XKRX: variants seen among roughly 807,000 people sequenced by gnomAD.
The protein encoded by XKRX is XK-related protein 2.
In XKRX, 11 loss-of-function variants were observed where a neutral mutation model predicts 22.4. The ratio of observed to expected loss-of-function variants is 0.49; its 90% CI spans 0.31 to 0.81. XKRX has a LOEUF of 0.81. Ranked by LOEUF, XKRX falls within the 40% of genes least tolerant of loss-of-function variation. The pLI is 0.05. For synonymous variants in XKRX, 114 were observed against 132.2 expected (o/e 0.86, Z 0.94); for missense variants, 320 against 336.5 (o/e 0.95, Z 0.38).
chrX:100,955,904 G>T, the XKRX span, among the ~76,000 whole-genome samples: 1 of 111,199 alleles, frequency 9.0e-6, no homozygotes, highest in African/African-American at 3.3e-5. Context: ...CCATTACAAT[G>T]AATGAAAAAA....
chrX:100,923,202 A>T (rs985876704), intron 1 of XKRX, 141 bp from the exon 2 acceptor site: 2 of 714,805 alleles, frequency 2.8e-6, no homozygotes, highest in African/African-American at 4.3e-5. Context: ...CCCTGGCTGG[A>T]GTGCAGTGGC....
chrX:100,937,213 A>T, the XKRX span, among the ~76,000 whole-genome samples: 1 of 110,177 alleles, frequency 9.1e-6, no homozygotes, highest in Non-Finnish European at 1.9e-5. Flanking sequence ...CTGGTCTCGA[A>T]CTCCTGAACT....
At chrX:100,894,095 C>T in the XKRX span, among the ~76,000 whole-genome samples, 18,591 of 110,812 alleles carry the variant, frequency 0.17, 1,165 homozygotes, top group African/African-American at 0.19. Context: ...GGTGAAACCC[C>T]ATCTCTATTA....
downstream of XKRX, among the ~76,000 whole-genome samples, chrX:100,908,722 T>G (rs1176195330): frequency 2.7e-5 from 3 of 112,022 alleles, no homozygotes; most frequent in African/African-American, 9.7e-5. Flanking sequence ...CAGCTGATTA[T>G]GTACTAAAGA....
the XKRX span, among the ~76,000 whole-genome samples, chrX:100,893,996 C>T: frequency 5.3e-5 from 6 of 112,452 alleles, no homozygotes; most frequent in Non-Finnish European, 7.5e-5. Context: ...AGGCCGGGTG[C>T]GGTGGCTCAT....
chrX:100,920,105 A>C (rs1038114063), intron 2 of XKRX, among the ~76,000 whole-genome samples: 1 of 110,676 alleles, frequency 9.0e-6, no homozygotes, highest in African/African-American at 3.3e-5. Context: ...TGGGAACTTA[A>C]CTAAAGCTGT....
intron 2 of XKRX, among the ~76,000 whole-genome samples, chrX:100,918,805 C>T (rs2085457776): frequency 9.1e-6 from 1 of 110,448 alleles, no homozygotes; most frequent in African/African-American, 3.3e-5. Context: ...TCTTCCTTTC[C>T]TTTTTCTCCT....
At chrX:100,953,015 G>A in the XKRX span, among the ~76,000 whole-genome samples, 6 of 112,442 alleles carry the variant, frequency 5.3e-5, no homozygotes, top group East Asian at 2.8e-4. Flanking sequence ...GAAAATGGAC[G>A]ACAGGGCTGG....
the XKRX span, chrX:100,957,484 T>C: frequency 2.5e-6 from 3 of 1,189,432 alleles, no homozygotes; most frequent in African/African-American, 3.5e-5. Flanking sequence ...AGGGAGGAAA[T>C]AGAGACGCAT....
chrX:100,914,315 C>G lies in XKRX; in HGVS notation c.*23G>C, dbSNP rs1241710492. On this transcript the variant is annotated 3_prime_UTR_variant, in exon 3 of 3. Coordinates refer to ENST00000372956, the MANE Select transcript of XKRX (RefSeq NM_212559.3). ...TTACTCTTGGCAACTCCCAACTCTT[C>G]CTAAAATACCCAGAAAATAGAATCA... 19 of 1,194,824 alleles carry G rather than the reference C, an allele frequency of 1.6e-5. No individual in the cohort carries two copies. In the Admixed American group the frequency reaches 4.1e-4, roughly 26 times the overall value.
At chrX:100,915,466 A>G (rs775655593) in intron 2 of XKRX, among the ~76,000 whole-genome samples, 2 of 111,332 alleles carry the variant, frequency 1.8e-5, no homozygotes, top group East Asian at 5.7e-4. Flanking sequence ...TGACACAGCC[A>G]TTATGGAAAA....
downstream of XKRX, among the ~76,000 whole-genome samples, chrX:100,912,964 G>A (rs147543383): frequency 8.6e-3 from 957 of 111,230 alleles, 9 homozygotes; most frequent in African/African-American, 0.029. Context: ...TTGGGAGACC[G>A]AGGCGGGTGG....
At chrX:100,943,775 C>G in the XKRX span, among the ~76,000 whole-genome samples, 2 of 112,074 alleles carry the variant, frequency 1.8e-5, no homozygotes, top group African/African-American at 6.5e-5. Flanking sequence ...TTCATTTTAA[C>G]TGCTGCATGG....
the XKRX span, among the ~76,000 whole-genome samples, chrX:100,937,191 A>G: frequency 3.8e-4 from 42 of 110,610 alleles, no homozygotes; most frequent in Non-Finnish European, 7.2e-4. Context: ...AGGTTTCACC[A>G]TGTTGGCCAG....
chrX:100,930,435 C>A (rs1280599065), upstream of XKRX, among the ~76,000 whole-genome samples: 2 of 110,052 alleles, frequency 1.8e-5, no homozygotes, highest in Non-Finnish European at 3.8e-5. Context: ...TAATGGCCTC[C>A]AGGTTGTCCT....
At chrX:100,956,524 C>A in the XKRX span, 1 of 365,517 alleles carries the variant, frequency 2.7e-6, no homozygotes, top group Non-Finnish European at 4.8e-6. Flanking sequence ...ACAACACTGT[C>A]ATTAGAGAAC....
the XKRX span, among the ~76,000 whole-genome samples, chrX:100,895,742 T>G: frequency 1.8e-5 from 2 of 112,181 alleles, no homozygotes; most frequent in South Asian, 7.5e-4. Context: ...GAACATCTGA[T>G]GTTCCATTCT....
the XKRX span, among the ~76,000 whole-genome samples, chrX:100,944,351 A>G: frequency 1.8e-5 from 2 of 111,641 alleles, no homozygotes; most frequent in African/African-American, 6.5e-5. Flanking sequence ...AGGACATTAA[A>G]TCAACGTTTT....
At chrX:100,939,843 A>C in the XKRX span, among the ~76,000 whole-genome samples, 2 of 112,621 alleles carry the variant, frequency 1.8e-5, no homozygotes, top group Admixed American at 9.4e-5. Context: ...TTAAAAAGAT[A>C]TATCATTCAT....
Sources: gnomAD v4.1 joint callset for allele counts (sites outside exome capture counted in the v4.1 genomes callset) on GRCh38, gnomAD v4.1.1 for gene constraint, MANE v1.5 for transcripts, NCBI Gene and HGNC (gene_info 2026-07-23, HGNC 2026-07-21) for gene names.